ZNRF2: variants seen among roughly 807,000 people sequenced by gnomAD.
The protein encoded by ZNRF2 is zinc and ring finger 2.
A neutral mutation model predicts 20.4 loss-of-function variants in ZNRF2; 16 were observed. The observed-to-expected ratio is 0.79, with a 90% CI of 0.53 to 1.19. ZNRF2 has a LOEUF of 1.19. ZNRF2 is among the 50% of genes most tolerant of loss of function. ZNRF2 has a pLI of 0.00. For missense variants in ZNRF2, 363 were observed against 332.4 expected, an observed-to-expected ratio of 1.09 and a Z score of -0.72; for synonymous variants, 178 against 144.9, an observed-to-expected ratio of 1.23 and a Z score of -1.64.
At chr7:30,292,424 A>T (rs566798596) in intron 1 of ZNRF2, among the ~76,000 whole-genome samples, 2 of 152,236 alleles carry the variant, frequency 1.3e-5, no homozygotes, top group African/African-American at 4.8e-5. Context: ...TCCGGACACT[A>T]TTCTGGGGGT....
chr7:30,295,747 G>C (rs1461899819), intron 1 of ZNRF2, among the ~76,000 whole-genome samples: 2 of 152,098 alleles, frequency 1.3e-5, no homozygotes, highest in African/African-American at 4.8e-5. Context: ...GTATTGTGAG[G>C]GTTAAAGTAG....
At chr7:30,343,934 T>C (rs865782355) in intron 2 of ZNRF2, among the ~76,000 whole-genome samples, 5 of 148,256 alleles carry the variant, frequency 3.4e-5, no homozygotes, top group African/African-American at 1.2e-4. Context: ...TTTTTTTTTT[T>C]TAATAGACCG....
chr7:30,333,607 A>T (rs1172643581), intron 2 of ZNRF2, among the ~76,000 whole-genome samples: 1 of 152,040 alleles, frequency 6.6e-6, no homozygotes, highest in African/African-American at 2.4e-5. Context: ...TGACCTTGTG[A>T]TCCTTCCGCC....
In ZNRF2 at chr7:30,366,914, C is replaced by T. The variant is rs1275598360; in HGVS notation, c.*902C>T. ...ACGGGTATCTTTTGTTTGTTCTTTT[C>T]ACTTAATTATTTTATTGTGCTTTGC... On this transcript the variant is annotated 3_prime_UTR_variant, in exon 5 of 5. Transcript: ENST00000323037. 1 of 152,508 alleles carries T rather than the reference C, an allele frequency of 6.6e-6. No homozygotes were observed. Among genetic ancestry groups the T allele is most frequent in the African/African-American group, 2.4e-5 (1 of 41,430 alleles). 9.4% of individuals were successfully genotyped at this position (152,508 alleles called of 1,614,324 possible).
At chr7:30,331,768 AC>A (rs1438703956) in intron 2 of ZNRF2, among the ~76,000 whole-genome samples, 2 of 152,176 alleles carry the variant, frequency 1.3e-5, no homozygotes, top group Admixed American at 1.3e-4. Flanking sequence ...AACCACAAAT[AC>A]CAAACAAAAA....
intron 4 of ZNRF2, among the ~76,000 whole-genome samples, chr7:30,364,681 A>G (rs1219045525): frequency 1.3e-5 from 2 of 152,200 alleles, no homozygotes; most frequent in Non-Finnish European, 2.9e-5. Context: ...TAAGGGAAGT[A>G]CTGAAACTGA....
At chr7:30,302,319 A>G (rs1799130547) in intron 1 of ZNRF2, among the ~76,000 whole-genome samples, 1 of 152,198 alleles carries the variant, frequency 6.6e-6, no homozygotes, top group Admixed American at 6.5e-5. Context: ...ATGTTCTCTA[A>G]TATCATGCAT....
At chr7:30,332,734 C>T (rs1466630406) in intron 2 of ZNRF2, among the ~76,000 whole-genome samples, 1 of 152,134 alleles carries the variant, frequency 6.6e-6, no homozygotes, top group Admixed American at 6.5e-5. Flanking sequence ...GTGTAGTATT[C>T]CATGGTGTAT....
At chr7:30,338,466 C>T (rs1453112801) in intron 2 of ZNRF2, among the ~76,000 whole-genome samples, 1 of 142,124 alleles carries the variant, frequency 7.0e-6, no homozygotes, top group African/African-American at 2.6e-5. Context: ...TGATATTCCC[C>T]TCCCTGTGTC....
intron 1 of ZNRF2, among the ~76,000 whole-genome samples, chr7:30,298,664 G>A (rs1266016899): frequency 6.6e-6 from 1 of 152,170 alleles, no homozygotes. Context: ...AGCTATTCCT[G>A]TTGTCTGCAA....
intron 1 of ZNRF2, among the ~76,000 whole-genome samples, chr7:30,306,005 G>A (rs184047208): frequency 7.9e-5 from 12 of 152,208 alleles, no homozygotes; most frequent in Non-Finnish European, 1.6e-4. Flanking sequence ...GGGCCTTTGG[G>A]GCTTTGGCCC....
At chr7:30,328,379 C>T (rs1168726348) in intron 2 of ZNRF2, among the ~76,000 whole-genome samples, 2 of 152,150 alleles carry the variant, frequency 1.3e-5, no homozygotes, top group Non-Finnish European at 2.9e-5. Context: ...TGTTAGTGCT[C>T]AAACAAGAAC....
chr7:30,320,241 CAT>C (rs1799448260), intron 1 of ZNRF2, among the ~76,000 whole-genome samples: 1 of 150,596 alleles, frequency 6.6e-6, no homozygotes, highest in African/African-American at 2.4e-5. Context: ...TCTATATATA[CAT>C]AGAGAAATTT....
intron 2 of ZNRF2, among the ~76,000 whole-genome samples, chr7:30,329,657 T>TAATG (rs1799606694): frequency 6.6e-6 from 1 of 152,232 alleles, no homozygotes; most frequent in Admixed American, 6.5e-5. Flanking sequence ...CATGGCTGAA[T>TAATG]AATATTCTAT....
chr7:30,299,486 A>G (rs1562605161), intron 1 of ZNRF2, among the ~76,000 whole-genome samples: 1 of 151,838 alleles, frequency 6.6e-6, no homozygotes, highest in Non-Finnish European at 1.5e-5. Context: ...TGGTATGAAC[A>G]TGTTCAATTA....
At chr7:30,315,729 G>GGC (rs1799360428) in intron 1 of ZNRF2, among the ~76,000 whole-genome samples, 1 of 87,990 alleles carries the variant, frequency 1.1e-5, no homozygotes, top group Non-Finnish European at 2.4e-5. Flanking sequence ...AGGTGGGGCG[G>GGC]GGGGGGGGGG....
chr7:30,295,050 A>AGAGTGT (rs1412764480), intron 1 of ZNRF2, among the ~76,000 whole-genome samples: 37 of 38,280 alleles, frequency 9.7e-4, no homozygotes, highest in South Asian at 1.1e-3. Context: ...AGAGAGAGAG[A>AGAGTGT]GTGTGTGTGT....
At chr7:30,335,369 A>G (rs1799701382) in intron 2 of ZNRF2, among the ~76,000 whole-genome samples, 1 of 152,156 alleles carries the variant, frequency 6.6e-6, no homozygotes, top group Non-Finnish European at 1.5e-5. Flanking sequence ...TCAAACTTTA[A>G]AAGCTTTTAT....
intron 1 of ZNRF2, among the ~76,000 whole-genome samples, chr7:30,312,154 TTTTTTCCGTAGAGA>T (rs1327774163): frequency 6.6e-6 from 1 of 152,032 alleles, no homozygotes; most frequent in Non-Finnish European, 1.5e-5. Flanking sequence ...TTTAAAAACT[TTTTTTCCGTAGAGA>T]CAGGGTCTCA....
Sources: gnomAD v4.1 joint callset for allele counts (sites outside exome capture counted in the v4.1 genomes callset) on GRCh38, gnomAD v4.1.1 for gene constraint, MANE v1.5 for transcripts, NCBI Gene and HGNC (gene_info 2026-07-23, HGNC 2026-07-21) for gene names.